SLC44A5: variants seen among roughly 807,000 people sequenced by gnomAD.
SLC44A5 encodes solute carrier family 44 member 5, also known as choline transporter-like protein 5.
Under a neutral mutation model 101.8 loss-of-function variants are expected in SLC44A5, and 57 were observed. That is an observed-to-expected ratio of 0.56 (90% CI 0.45 to 0.70). SLC44A5 has a LOEUF of 0.70. SLC44A5 is among the 30% of genes least tolerant of loss of function. The pLI is 0.00. For missense variants in SLC44A5, 737 were observed against 853.1 expected, an observed-to-expected ratio of 0.86 and a Z score of 1.70; for synonymous variants, 281 against 290.9, an observed-to-expected ratio of 0.97 and a Z score of 0.35.
At chr1:75,547,414 T>C (rs982950838) in intron 1 of SLC44A5, among the ~76,000 whole-genome samples, 1 of 152,158 alleles carries the variant, frequency 6.6e-6, no homozygotes, top group Non-Finnish European at 1.5e-5. Flanking sequence ...TAAGTGGAAC[T>C]GAGATCCTGA....
intron 2 of SLC44A5, among the ~76,000 whole-genome samples, chr1:75,489,400 C>T (rs1306997899): frequency 6.6e-6 from 1 of 152,174 alleles, no homozygotes; most frequent in Admixed American, 6.6e-5. Flanking sequence ...AAACATAGAG[C>T]CAGCTCTCAG....
chr1:75,330,126 C>T (rs944845260), intron 4 of SLC44A5, among the ~76,000 whole-genome samples: 10 of 118,042 alleles, frequency 8.5e-5, no homozygotes, highest in Non-Finnish European at 1.1e-4. Context: ...CACACACACA[C>T]ACACACACAC....
chr1:75,695,757 A>G, the SLC44A5 span, among the ~76,000 whole-genome samples: 1 of 148,292 alleles, frequency 6.7e-6, no homozygotes, highest in Admixed American at 6.8e-5. Flanking sequence ...TTTACATATA[A>G]TTTATATATA....
At chr1:75,663,184 C>A in the SLC44A5 span, among the ~76,000 whole-genome samples, 1 of 152,092 alleles carries the variant, frequency 6.6e-6, no homozygotes, top group African/African-American at 2.4e-5. Context: ...CCCTCAAAAT[C>A]CATGTTGAAA....
chr1:75,631,056 C>T, the SLC44A5 span, among the ~76,000 whole-genome samples: 1 of 152,208 alleles, frequency 6.6e-6, no homozygotes. Context: ...TCAAAAAATA[C>T]ATCCACTTCT....
intron 3 of SLC44A5, among the ~76,000 whole-genome samples, chr1:75,391,138 G>T (rs1661758991): frequency 6.6e-6 from 1 of 151,900 alleles, no homozygotes; most frequent in African/African-American, 2.4e-5. Context: ...TTTAACCAAT[G>T]GTGTAAAATA....
upstream of SLC44A5, among the ~76,000 whole-genome samples, chr1:75,615,432 T>TACACAC (rs776361396): frequency 0.11 from 8,068 of 75,470 alleles, 311 homozygotes; most frequent in Middle Eastern, 0.15. Flanking sequence ...CACACACACA[T>TACACAC]ACATACACAC....
chr1:75,631,629 C>A, the SLC44A5 span, among the ~76,000 whole-genome samples: 1 of 136,138 alleles, frequency 7.3e-6, no homozygotes, highest in African/African-American at 2.7e-5. Flanking sequence ...TCACTGTAAA[C>A]TCTGCCTCCC....
At chr1:75,496,605 A>C (rs1402672275) in intron 2 of SLC44A5, among the ~76,000 whole-genome samples, 1 of 148,366 alleles carries the variant, frequency 6.7e-6, no homozygotes, top group Non-Finnish European at 1.5e-5. Flanking sequence ...AACAGACAAC[A>C]ACAACAAAAA....
chr1:75,670,558 T>C, the SLC44A5 span, among the ~76,000 whole-genome samples: 6 of 152,196 alleles, frequency 3.9e-5, no homozygotes, highest in Admixed American at 6.5e-5. Flanking sequence ...TAATAATGTT[T>C]TGAAATTTGT....
chr1:75,552,011 C>A (rs1210253308), intron 1 of SLC44A5, among the ~76,000 whole-genome samples: 1 of 152,100 alleles, frequency 6.6e-6, no homozygotes, highest in Admixed American at 6.6e-5. Context: ...CTCATTTGGG[C>A]AGCTGCCTTT....
At chr1:75,651,799 TA>T in the SLC44A5 span, among the ~76,000 whole-genome samples, 2 of 151,630 alleles carry the variant, frequency 1.3e-5, no homozygotes, top group East Asian at 3.9e-4. Flanking sequence ...CTTGTTACAG[TA>T]GATAGGCAGA....
chr1:75,414,084 C>T (rs1304069742), intron 2 of SLC44A5, among the ~76,000 whole-genome samples: 1 of 151,978 alleles, frequency 6.6e-6, no homozygotes, highest in South Asian at 2.1e-4. Context: ...GATCTTGAGT[C>T]ATTACTCTCT....
chr1:75,521,796 T>C (rs752580358), intron 2 of SLC44A5: 1 of 153,758 alleles, frequency 6.5e-6, no homozygotes, highest in Non-Finnish European at 1.5e-5. Flanking sequence ...GCCTACATCC[T>C]GGACTCCTCC....
intron 1 of SLC44A5, among the ~76,000 whole-genome samples, chr1:75,600,043 C>T (rs772364417): frequency 2.6e-5 from 4 of 151,994 alleles, no homozygotes; most frequent in Non-Finnish European, 4.4e-5. Flanking sequence ...AAAGCTAGGT[C>T]GAAAGCAAGG....
chr1:75,520,053 A>G (rs1670034546), intron 2 of SLC44A5, among the ~76,000 whole-genome samples: 1 of 152,264 alleles, frequency 6.6e-6, no homozygotes, highest in Non-Finnish European at 1.5e-5. Context: ...ACCCATTTTT[A>G]TCACACTCTG....
chr1:75,544,465 C>T (rs1301307271), intron 1 of SLC44A5, among the ~76,000 whole-genome samples: 1 of 152,098 alleles, frequency 6.6e-6, no homozygotes, highest in Admixed American at 6.6e-5. Context: ...CAATTGTTAC[C>T]ATTTTGCCAC....
chr1:75,357,753 A>C (rs1659189105), intron 3 of SLC44A5, among the ~76,000 whole-genome samples: 1 of 152,158 alleles, frequency 6.6e-6, no homozygotes, highest in South Asian at 2.1e-4. Context: ...AGAAATGGAT[A>C]ATTATGGTCA....
intron 5 of SLC44A5, among the ~76,000 whole-genome samples, chr1:75,276,244 GTC>G (rs1651911051): frequency 6.6e-6 from 1 of 151,876 alleles, no homozygotes; most frequent in Admixed American, 6.6e-5. Context: ...GTATCTTCCC[GTC>G]TCTATTTCCC....
Sources: allele counts gnomAD v4.1 joint callset (sites outside exome capture counted in the v4.1 genomes callset), GRCh38; gene constraint gnomAD v4.1.1; transcripts MANE v1.5; gene names NCBI Gene and HGNC (gene_info 2026-07-23, HGNC 2026-07-21).